The following NUBPL variants were observed in gnomAD, a reference collection of about 807,000 sequenced individuals.
The protein encoded by NUBPL is iron-sulfur cluster transfer protein NUBPL.
NUBPL carries 31 observed loss-of-function variants against 45.7 expected under a neutral mutation model. The ratio of observed to expected loss-of-function variants is 0.68; its 90% confidence interval spans 0.51 to 0.92. The LOEUF (loss-of-function observed/expected upper bound fraction) is 0.92. NUBPL is among the 40% of genes least tolerant of loss of function. The pLI, the probability that NUBPL is intolerant of heterozygous loss-of-function variation, is 0.00. For missense variants in NUBPL, 401 were observed against 398.7 expected (o/e 1.01, Z -0.05); for synonymous variants, 144 against 140.9 (o/e 1.02, Z -0.15).
At chr14:31,723,686 G>T (rs1461911420) in intron 6 of NUBPL, among the ~76,000 whole-genome samples, 2 of 151,872 alleles carry the variant, frequency 1.3e-5, no homozygotes, top group African/African-American at 4.8e-5. Flanking sequence ...ATACTTGTAG[G>T]CTTTATTCTT....
At chr14:31,643,335 G>C (rs1018233343) in intron 4 of NUBPL, among the ~76,000 whole-genome samples, 1 of 152,040 alleles carries the variant, frequency 6.6e-6, no homozygotes, top group Admixed American at 6.6e-5. Flanking sequence ...TCCATACCCA[G>C]TTTGTTGAGG....
intron 4 of NUBPL, among the ~76,000 whole-genome samples, chr14:31,667,325 T>C (rs1185837673): frequency 6.6e-6 from 1 of 152,008 alleles, no homozygotes; most frequent in Admixed American, 6.6e-5. Flanking sequence ...ATATCCTTTC[T>C]TCCGCTTGAT....
intron 6 of NUBPL, among the ~76,000 whole-genome samples, chr14:31,729,275 T>TC (rs369958143): frequency 0.16 from 9,034 of 55,202 alleles, 890 homozygotes; most frequent in East Asian, 0.38. Flanking sequence ...AGATGCTCCA[T>TC]CCCCCCCCCC....
At chr14:31,591,136 G>A (rs1169637299) in intron 3 of NUBPL, among the ~76,000 whole-genome samples, 1 of 152,054 alleles carries the variant, frequency 6.6e-6, no homozygotes, top group Non-Finnish European at 1.5e-5. Flanking sequence ...TTTTTGGTTA[G>A]CTTTTTCATA....
At chr14:31,737,462 C>T (rs1011167733) in intron 6 of NUBPL, among the ~76,000 whole-genome samples, 1 of 91,868 alleles carries the variant, frequency 1.1e-5, no homozygotes, top group African/African-American at 4.3e-5. Flanking sequence ...CCCTAAGCAT[C>T]CTACTTGTAT....
At chr14:31,809,839 A>ATAAC (rs2039764955) in intron 7 of NUBPL, among the ~76,000 whole-genome samples, 1 of 108,140 alleles carries the variant, frequency 9.2e-6, no homozygotes, top group South Asian at 3.4e-4. Flanking sequence ...TTGGTTTCAA[A>ATAAC]GAACATTTTT....
chr14:31,645,949 G>A (rs2035839966), intron 4 of NUBPL, among the ~76,000 whole-genome samples: 1 of 152,050 alleles, frequency 6.6e-6, no homozygotes, highest in African/African-American at 2.4e-5. Flanking sequence ...GTATCCTGGA[G>A]TTATCTGTGT....
chr14:31,672,062 A>G (rs1407371618), intron 4 of NUBPL, among the ~76,000 whole-genome samples: 2 of 152,230 alleles, frequency 1.3e-5, no homozygotes, highest in African/African-American at 2.4e-5. Context: ...GATAAAACAA[A>G]TTATATTTTA....
intron 6 of NUBPL, among the ~76,000 whole-genome samples, chr14:31,784,935 T>C (rs551067094): frequency 3.9e-4 from 60 of 152,344 alleles, no homozygotes; most frequent in African/African-American, 1.3e-3. Context: ...TTGCTATTGC[T>C]TGAATGTAGC....
intron 6 of NUBPL, among the ~76,000 whole-genome samples, chr14:31,766,289 C>T (rs2038911157): frequency 6.6e-6 from 1 of 152,106 alleles, no homozygotes; most frequent in Non-Finnish European, 1.5e-5. Flanking sequence ...AGGGTAGAGC[C>T]CATTAAATGG....
intron 6 of NUBPL, among the ~76,000 whole-genome samples, chr14:31,781,480 A>T (rs2039190222): frequency 6.6e-6 from 1 of 152,226 alleles, no homozygotes. Context: ...GAAACCAGAG[A>T]AACTAGACAG....
intron 3 of NUBPL, among the ~76,000 whole-genome samples, chr14:31,582,867 G>C (rs2139500231): frequency 6.6e-6 from 1 of 152,180 alleles, no homozygotes; most frequent in South Asian, 2.1e-4. Context: ...AAAAGAAAAA[G>C]GAAAATTTGA....
intron 6 of NUBPL, among the ~76,000 whole-genome samples, chr14:31,733,662 T>G (rs2038102697): frequency 6.6e-6 from 1 of 152,212 alleles, no homozygotes; most frequent in South Asian, 2.1e-4. Flanking sequence ...CTGAAATCAC[T>G]TATTCTAGTA....
At chr14:31,601,557 C>A (rs962219584) in intron 4 of NUBPL, among the ~76,000 whole-genome samples, 3 of 152,080 alleles carry the variant, frequency 2.0e-5, no homozygotes, top group African/African-American at 7.2e-5. Flanking sequence ...AAACAAACAA[C>A]CCCATCAAAA....
At chr14:31,614,427 T>C (rs545991341) in intron 4 of NUBPL, among the ~76,000 whole-genome samples, 2 of 152,308 alleles carry the variant, frequency 1.3e-5, no homozygotes, top group African/African-American at 4.8e-5. Context: ...GGCTTTTTTC[T>C]TATAAATGTT....
intron 4 of NUBPL, among the ~76,000 whole-genome samples, chr14:31,640,380 A>G (rs763375096): frequency 6.6e-5 from 10 of 152,162 alleles, no homozygotes; most frequent in Middle Eastern, 3.2e-3. Context: ...TGGGTGGATC[A>G]CTTGAGGGCA....
intron 3 of NUBPL, among the ~76,000 whole-genome samples, chr14:31,566,537 T>G (rs2033439840): frequency 6.6e-6 from 1 of 152,078 alleles, no homozygotes; most frequent in African/African-American, 2.4e-5. Context: ...TGAATTCTTT[T>G]TTTTGTTTTT....
intron 6 of NUBPL, among the ~76,000 whole-genome samples, chr14:31,721,613 C>A (rs981642305): frequency 2.6e-5 from 4 of 151,116 alleles, no homozygotes; most frequent in Non-Finnish European, 5.9e-5. Flanking sequence ...TCTCTAGTAA[C>A]GTTTTTTTTT....
intron 7 of NUBPL, 97 bp from the exon 8 acceptor site, chr14:31,826,532 C>T (rs371954307): frequency 1.9e-5 from 19 of 983,370 alleles, no homozygotes; most frequent in Admixed American, 5.6e-5. Flanking sequence ...AAATAGTTAA[C>T]GTAATAGACT....
Sources: allele counts gnomAD v4.1 joint callset (sites outside exome capture counted in the v4.1 genomes callset), GRCh38; gene constraint gnomAD v4.1.1; transcripts MANE v1.5; gene names NCBI Gene and HGNC (gene_info 2026-07-23, HGNC 2026-07-21).